ARHGAP42: variants seen among roughly 807,000 people sequenced by gnomAD.
The protein encoded by ARHGAP42 is Rho GTPase activating protein 42, also known as rho GTPase-activating protein 42.
Under a neutral mutation model 125.0 loss-of-function variants are expected in ARHGAP42, and 63 were observed. The observed-to-expected ratio is 0.50, with a 90% CI of 0.41 to 0.62. ARHGAP42 has a LOEUF of 0.62. Ranked by LOEUF, ARHGAP42 falls within the 20% of genes least tolerant of loss-of-function variation. The pLI is 0.00. For missense variants in ARHGAP42, 766 were observed against 1,024.2 expected (o/e 0.75, Z 3.44); for synonymous variants, 339 against 351.0 (o/e 0.97, Z 0.38).
At chr11:100,775,725 G>A (rs980584377) in intron 2 of ARHGAP42, among the ~76,000 whole-genome samples, 6 of 152,300 alleles carry the variant, frequency 3.9e-5, no homozygotes, top group East Asian at 3.9e-4. Flanking sequence ...TTAAGTCTGA[G>A]CACATCACTT....
chr11:100,760,223 G>A (rs1295452104), intron 1 of ARHGAP42, among the ~76,000 whole-genome samples: 1 of 152,150 alleles, frequency 6.6e-6, no homozygotes, highest in Non-Finnish European at 1.5e-5. Flanking sequence ...AGAGACAAAG[G>A]GCTGTTTCTG....
intron 1 of ARHGAP42, among the ~76,000 whole-genome samples, chr11:100,703,491 A>G (rs941940842): frequency 6.6e-6 from 1 of 152,330 alleles, no homozygotes; most frequent in Non-Finnish European, 1.5e-5. Context: ...TTATTATCAT[A>G]TTCCCTAAAA....
chr11:100,833,217 A>T (rs1864702964), intron 3 of ARHGAP42, among the ~76,000 whole-genome samples: 1 of 152,176 alleles, frequency 6.6e-6, no homozygotes, highest in Non-Finnish European at 1.5e-5. Context: ...AAATAGGACC[A>T]ATTTGTTGCC....
intron 22 of ARHGAP42, among the ~76,000 whole-genome samples, chr11:100,980,559 C>CTTCTGTTTTTTTTTTTTTTT (rs1555037006): frequency 1.9e-5 from 1 of 51,962 alleles, no homozygotes; most frequent in Non-Finnish European, 3.8e-5. Flanking sequence ...TTTTCTTCTT[C>CTTCTGTTTTTTTTTTTTTTT]TTTTTTTTTT....
chr11:100,939,334 T>C (rs1015955768), intron 8 of ARHGAP42, among the ~76,000 whole-genome samples: 3 of 152,152 alleles, frequency 2.0e-5, no homozygotes, highest in African/African-American at 4.8e-5. Flanking sequence ...AAAATGTCTC[T>C]ATTCTCGGTA....
At chr11:100,838,331 T>C (rs1175516366) in intron 3 of ARHGAP42, among the ~76,000 whole-genome samples, 4 of 152,120 alleles carry the variant, frequency 2.6e-5, no homozygotes, top group Non-Finnish European at 4.4e-5. Flanking sequence ...AATTAGTAAG[T>C]CCTTTGTGAG....
rs556623144 is a variant in ARHGAP42, at chr11:100,984,644, G to A, written c.2457-2869G>A. Among the ~76,000 whole-genome samples, 11 of 151,954 alleles carry A rather than the reference G, an allele frequency of 7.2e-5. No individual in the cohort carries two copies. The South Asian group carries it at 8.3e-4, about 12-fold the overall frequency. On this transcript the variant is annotated intron_variant, in intron 22 of 23. Transcript: ENST00000298815. ...GTTTCCTCATTAAATGCATTAGACG[G>A]CATTTAGAATGAGGAATGAGGCTGG...
rs773231636 is a variant in ARHGAP42 at position 100,965,629 on chromosome 11, G to A, written c.1445-42G>A. On this transcript the variant is annotated intron_variant, in intron 16 of 23. Coordinates refer to ENST00000298815, the MANE Select transcript of ARHGAP42 (RefSeq NM_152432.4). ...CTAATGTTTACATACCCAATTGAATGGAATTAAAACTTGAGCATTTGCAAT... is the reference window on the plus strand; with the variant it reads ...CTAATGTTTACATACCCAATTGAATAGAATTAAAACTTGAGCATTTGCAAT... 16 of 1,474,150 alleles carry A rather than the reference G, an allele frequency of 1.1e-5. No homozygotes were observed. In the African/African-American group the frequency reaches 1.7e-4, roughly 15 times the overall value. The allele number at this position is 1,474,150 out of a possible 1,614,324, so 91.3% of individuals were successfully genotyped here.
chr11:100,913,885 C>A (rs1866993979), intron 5 of ARHGAP42, among the ~76,000 whole-genome samples: 1 of 152,234 alleles, frequency 6.6e-6, no homozygotes, highest in South Asian at 2.1e-4. Context: ...GATTTTAAGG[C>A]CTTGCTTCAG....
intron 20 of ARHGAP42, 73 bp from the exon 21 acceptor site, chr11:100,976,742 A>G: frequency 2.0e-6 from 3 of 1,503,598 alleles, no homozygotes; most frequent in Non-Finnish European, 2.7e-6. Context: ...TCCTTTTGTT[A>G]TGCACATGTA....
intron 1 of ARHGAP42, among the ~76,000 whole-genome samples, chr11:100,719,606 C>T (rs1861724924): frequency 1.3e-5 from 2 of 152,184 alleles, no homozygotes; most frequent in Non-Finnish European, 2.9e-5. Flanking sequence ...TATCTACTCA[C>T]TAACTCACAG....
intron 3 of ARHGAP42, among the ~76,000 whole-genome samples, chr11:100,853,454 G>T (rs1455603636): frequency 6.6e-6 from 1 of 151,980 alleles, no homozygotes; most frequent in Non-Finnish European, 1.5e-5. Context: ...GAGATTGCTG[G>T]GTAGAAAGGA....
chr11:100,815,827 G>A (rs575105017), intron 3 of ARHGAP42, among the ~76,000 whole-genome samples: 1 of 152,066 alleles, frequency 6.6e-6, no homozygotes, highest in African/African-American at 2.4e-5. Context: ...ACAGCCCCTG[G>A]CAATCACCCT....
At chr11:100,913,062 C>T (rs1031153072) in intron 4 of ARHGAP42, among the ~76,000 whole-genome samples, 3 of 152,014 alleles carry the variant, frequency 2.0e-5, no homozygotes, top group Non-Finnish European at 2.9e-5. Flanking sequence ...CTAAAAAAGA[C>T]ATTTTTCTCT....
intron 1 of ARHGAP42, among the ~76,000 whole-genome samples, chr11:100,716,119 C>T (rs775850884): frequency 1.1e-4 from 16 of 152,172 alleles, no homozygotes; most frequent in Non-Finnish European, 1.9e-4. Context: ...CTGGGAAACA[C>T]GTACTGTTAG....
Position 100,992,771 on chromosome 11 carries a change from A to G in ARHGAP42, c.*3970A>G. 1 of 1,466,272 alleles carries G rather than the reference A, an allele frequency of 6.8e-7. No individual in the cohort carries two copies. Among genetic ancestry groups the G allele is most frequent in the South Asian group, 1.4e-5 (1 of 72,336 alleles). The allele number at this position is 1,466,272 out of a possible 1,614,324, so 90.8% of individuals were successfully genotyped here. ...TGAGGGCAGCTGCCCTCACTGTTTT[A>G]AATAAAGAATCTTACATAAGAATGT... On this transcript the variant is annotated 3_prime_UTR_variant, in exon 24 of 24. Coordinates refer to ENST00000298815, the MANE Select transcript of ARHGAP42 (RefSeq NM_152432.4).
intron 1 of ARHGAP42, among the ~76,000 whole-genome samples, chr11:100,717,434 A>G (rs983269735): frequency 2.3e-4 from 35 of 151,950 alleles, no homozygotes; most frequent in Non-Finnish European, 2.2e-4. Context: ...TCAGGAGATT[A>G]AGATCATCCT....
At chr11:100,958,904 G>GT (rs1349558959) in intron 12 of ARHGAP42, among the ~76,000 whole-genome samples, 3 of 137,320 alleles carry the variant, frequency 2.2e-5, no homozygotes, top group Non-Finnish European at 3.2e-5. Flanking sequence ...GTTTGTTGCT[G>GT]TTACCCTTTC....
chr11:100,935,077 C>T (rs969445668), intron 7 of ARHGAP42, among the ~76,000 whole-genome samples: 1 of 151,418 alleles, frequency 6.6e-6, no homozygotes, highest in African/African-American at 2.4e-5. Flanking sequence ...AAATTAGACC[C>T]TTATGTTTGA....
Sources: gnomAD v4.1 joint callset for allele counts (sites outside exome capture counted in the v4.1 genomes callset) on GRCh38, gnomAD v4.1.1 for gene constraint, MANE v1.5 for transcripts, NCBI Gene and HGNC (gene_info 2026-07-23, HGNC 2026-07-21) for gene names.